WDPCP: variants seen among roughly 807,000 people sequenced by gnomAD.
WDPCP encodes WD repeat-containing and planar cell polarity effector protein fritz homolog.
Under a neutral mutation model 93.1 loss-of-function variants are expected in WDPCP, and 71 were observed. That is an observed-to-expected ratio of 0.76 (90% CI 0.63 to 0.93). WDPCP has a LOEUF of 0.93. WDPCP is among the 40% of genes least tolerant of loss of function. The pLI is 0.00. For missense variants in WDPCP, 844 were observed against 887.4 expected, an observed-to-expected ratio of 0.95 and a Z score of 0.62; for synonymous variants, 315 against 315.0, an observed-to-expected ratio of 1.00 and a Z score of 0.00.
At chr2:63,606,445 A>G (rs1709529417) in intron 3 of WDPCP, among the ~76,000 whole-genome samples, 1 of 152,234 alleles carries the variant, frequency 6.6e-6, no homozygotes, top group African/African-American at 2.4e-5. Flanking sequence ...CATTTTTCTC[A>G]GCTTTAAAAC....
chr2:63,568,425 T>A (rs1264339138), intron 1 of WDPCP, among the ~76,000 whole-genome samples: 1 of 152,078 alleles, frequency 6.6e-6, no homozygotes, highest in South Asian at 2.1e-4. Flanking sequence ...ATGGGAGATA[T>A]TTATAAAAGT....
chr2:63,189,049 G>T (rs993511643), intron 14 of WDPCP, among the ~76,000 whole-genome samples: 16 of 152,128 alleles, frequency 1.1e-4, no homozygotes, highest in Non-Finnish European at 1.5e-5. Context: ...GTATCTGGGT[G>T]CTTCTGACTG....
intron 12 of WDPCP, among the ~76,000 whole-genome samples, chr2:63,345,850 T>C (rs1342939776): frequency 6.6e-6 from 1 of 152,112 alleles, no homozygotes; most frequent in Non-Finnish European, 1.5e-5. Flanking sequence ...CCTACTCCCC[T>C]CTCTCAGGAA....
At chr2:63,284,508 CTT>C (rs1284501269) in intron 13 of WDPCP, among the ~76,000 whole-genome samples, 2 of 152,128 alleles carry the variant, frequency 1.3e-5, no homozygotes, top group Non-Finnish European at 2.9e-5. Context: ...AAAGGTTTCT[CTT>C]TGGTATATCC....
chr2:63,770,545 GAAAC>G (rs1430992455), intron 2 of WDPCP, among the ~76,000 whole-genome samples: 1 of 151,760 alleles, frequency 6.6e-6, no homozygotes, highest in South Asian at 2.1e-4. Flanking sequence ...AAGCTATAAT[GAAAC>G]AAACAAACAA....
the WDPCP span, among the ~76,000 whole-genome samples, chr2:63,837,772 CTAAATATAAACTTTTTATGTTTT>C: frequency 1.3e-5 from 2 of 152,324 alleles, no homozygotes; most frequent in East Asian, 3.8e-4. Context: ...AACGTTATCT[CTAAATATAAACTTTTTATGTTTT>C]ATATGGCTCT....
intron 2 of WDPCP, among the ~76,000 whole-genome samples, chr2:63,720,355 T>G (rs1197838844): frequency 6.6e-6 from 1 of 150,518 alleles, no homozygotes; most frequent in Non-Finnish European, 1.5e-5. Context: ...AGGCAGAGGT[T>G]GCGGCGAGCC....
chr2:63,562,173 G>C (rs1706677539), intron 1 of WDPCP, among the ~76,000 whole-genome samples: 1 of 152,190 alleles, frequency 6.6e-6, no homozygotes, highest in Non-Finnish European at 1.5e-5. Context: ...ATGTATGCCA[G>C]GAATAGCATG....
chr2:63,229,616 T>C (rs1430807957), intron 14 of WDPCP: 1 of 151,928 alleles, frequency 6.6e-6, no homozygotes, highest in Non-Finnish European at 1.5e-5. Context: ...TTGTATAAGG[T>C]GTAAGGAAGG....
At chr2:63,503,840 T>C (rs190205882) in intron 1 of WDPCP, among the ~76,000 whole-genome samples, 8 of 152,042 alleles carry the variant, frequency 5.3e-5, no homozygotes, top group African/African-American at 9.6e-5. Context: ...CCAAAATAAT[T>C]TGTCAATTCA....
At chr2:63,532,447 G>C (rs1252961304) in intron 1 of WDPCP, among the ~76,000 whole-genome samples, 1 of 152,110 alleles carries the variant, frequency 6.6e-6, no homozygotes, top group Non-Finnish European at 1.5e-5. Context: ...ATATGTTAAG[G>C]GCAGCCAGAA....
chr2:63,464,811 C>T (rs140301482), intron 6 of WDPCP, among the ~76,000 whole-genome samples: 2 of 152,008 alleles, frequency 1.3e-5, no homozygotes, highest in East Asian at 3.9e-4. Context: ...TAGGATTCCA[C>T]TTAGATGGGG....
At chr2:63,531,024 C>A (rs577503852) in intron 1 of WDPCP, among the ~76,000 whole-genome samples, 1 of 152,372 alleles carries the variant, frequency 6.6e-6, no homozygotes, top group Non-Finnish European at 1.5e-5. Flanking sequence ...TGGCAAACCG[C>A]ACACCAGGAG....
chr2:63,785,728 T>C (rs1670457541), intron 2 of WDPCP, among the ~76,000 whole-genome samples: 1 of 152,182 alleles, frequency 6.6e-6, no homozygotes, highest in Non-Finnish European at 1.5e-5. Flanking sequence ...TAGATTCACT[T>C]TCTGTCTCCA....
chr2:63,459,367 C>T (rs1698850961), intron 6 of WDPCP, among the ~76,000 whole-genome samples: 1 of 151,464 alleles, frequency 6.6e-6, no homozygotes, highest in Admixed American at 6.6e-5. Context: ...TCAGACATCT[C>T]AACAGTTAAA....
chr2:63,414,742 A>G lies in WDPCP; in HGVS notation c.826-10085T>C, dbSNP rs144124920. 3.9e-3 allele frequency among the ~76,000 whole-genome samples: 596 copies of G among 152,292 alleles called. 6 individuals carry two copies. The highest frequency in any genetic ancestry group is 0.013 in the African/African-American group (554 of 41,558). The stretch of plus-strand genomic sequence containing the variant: ...GACTTGGAGGAAGGAGTGGAAGGGG[A>G]GAAGCGATAAAAGACTACAAATATG... On this transcript the variant is annotated intron_variant, in intron 9 of 17. Coordinates refer to ENST00000272321, the MANE Select transcript of WDPCP (RefSeq NM_015910.7).
At chr2:63,171,168 C>T (rs1673360759) in intron 15 of WDPCP, among the ~76,000 whole-genome samples, 1 of 152,008 alleles carries the variant, frequency 6.6e-6, no homozygotes, top group Admixed American at 6.6e-5. Context: ...AAGTACAACA[C>T]ATAAAAGACA....
Position 63,121,710 on chromosome 2 carries a change from A to G in WDPCP, c.*296T>C, listed in dbSNP as rs1026519999. The G allele has an allele frequency of 9.0e-6, 5 of 557,996 alleles. No individual in the cohort carries two copies. The African/African-American group carries it at 9.8e-5, about 11-fold the overall frequency. 34.6% of individuals were successfully genotyped at this position (557,996 alleles called of 1,614,324 possible). On this transcript the variant is annotated 3_prime_UTR_variant, in exon 18 of 18. Coordinates refer to ENST00000272321, the MANE Select transcript of WDPCP (RefSeq NM_015910.7). Reference sequence around the variant, plus strand: ...TAAAGTACCTGGGAGAACAAAGTTTAAATATTCTATTTTTGTAGCACCTAA... The same window carrying G: ...TAAAGTACCTGGGAGAACAAAGTTTGAATATTCTATTTTTGTAGCACCTAA...
chr2:63,222,680 G>A (rs191138776), intron 14 of WDPCP, among the ~76,000 whole-genome samples: 1 of 152,270 alleles, frequency 6.6e-6, no homozygotes, highest in Admixed American at 6.5e-5. Flanking sequence ...ACTACACATA[G>A]CTGTATCAGC....
Sources: allele counts gnomAD v4.1 joint callset (sites outside exome capture counted in the v4.1 genomes callset), GRCh38; gene constraint gnomAD v4.1.1; transcripts MANE v1.5; gene names NCBI Gene and HGNC (gene_info 2026-07-23, HGNC 2026-07-21).